ZZEF1: variants seen among roughly 807,000 people sequenced by gnomAD.
ZZEF1 encodes zinc finger ZZ-type and EF-hand domain containing 1.
In ZZEF1, 157 loss-of-function variants were observed where a neutral mutation model predicts 342.8. The ratio of observed to expected loss-of-function variants is 0.46; its 90% CI spans 0.40 to 0.52. ZZEF1 has a LOEUF of 0.52. Among genes scored for constraint, ZZEF1 ranks in the 20% least tolerant of loss-of-function variants. The pLI is 0.00. For synonymous variants in ZZEF1, 1,505 were observed against 1,429.1 expected (o/e 1.05, Z -1.20); for missense variants, 3,480 against 3,725.6 (o/e 0.93, Z 1.72).
intron 13 of ZZEF1, among the ~76,000 whole-genome samples, chr17:4,088,232 A>G (rs1226839554): frequency 6.6e-6 from 1 of 152,234 alleles, no homozygotes; most frequent in Non-Finnish European, 1.5e-5. Context: ...AAGAGTCAGT[A>G]TCAAAAAAGT....
In ZZEF1 at chr17:4,096,710, G is replaced by T; in HGVS notation, c.1673-10C>A. ...GTTTCCGTAAGAAAACCTGAAAAAA[G>T]GGAAAACTCAAGTTAGGGAACTAAC... On this transcript the variant is annotated splice_polypyrimidine_tract_variant and intron_variant, in intron 9 of 54. Coordinates refer to ENST00000381638, the MANE Select transcript of ZZEF1 (RefSeq NM_015113.4). 2 of 1,612,900 alleles carry T rather than the reference G, an allele frequency of 1.2e-6. No homozygotes were observed. Among genetic ancestry groups the T allele is most frequent in the Non-Finnish European group, 1.7e-6 (2 of 1,179,266 alleles).
chr17:4,038,754 C>T (rs1388605942), intron 39 of ZZEF1, among the ~76,000 whole-genome samples: 2 of 152,028 alleles, frequency 1.3e-5, no homozygotes, highest in East Asian at 3.9e-4. Flanking sequence ...TGCAGTGAGC[C>T]GAGATTGCTC....
intron 18 of ZZEF1, among the ~76,000 whole-genome samples, chr17:4,080,923 A>G (rs983755738): frequency 5.3e-5 from 8 of 152,176 alleles, no homozygotes; most frequent in Non-Finnish European, 1.2e-4. Flanking sequence ...CTTTGTGATC[A>G]TTTGTAAGAG....
At chr17:4,140,580 C>T (rs768384869) in intron 1 of ZZEF1, among the ~76,000 whole-genome samples, 3 of 152,308 alleles carry the variant, frequency 2.0e-5, no homozygotes, top group South Asian at 2.1e-4. Context: ...ACTCGATATA[C>T]GCCCAATAAA....
rs530845730 is a variant in ZZEF1 at position 4,007,117 on chromosome 17, GGA to G, written c.8806-149_8806-148del. On this transcript the variant is annotated intron_variant, in intron 54 of 54. Transcript: ENST00000381638. ...CCCCTCCCCCACAGGCCTGCAGAGT[GGA>G]GAGAGAAAAAAAATGCTATTAAGAG... 1.3e-4 allele frequency: 92 copies of G among 684,906 alleles called. No individual in the cohort carries two copies. In the African/African-American group the frequency reaches 1.5e-3, roughly 11 times the overall value. 42.4% of individuals were successfully genotyped at this position (684,906 alleles called of 1,614,324 possible).
At chr17:4,027,002 C>A (rs2056422112) in intron 42 of ZZEF1, among the ~76,000 whole-genome samples, 1 of 152,128 alleles carries the variant, frequency 6.6e-6, no homozygotes, top group African/African-American at 2.4e-5. Context: ...CACGTCCCCC[C>A]ACAAAACTAA....
intron 49 of ZZEF1, among the ~76,000 whole-genome samples, chr17:4,015,371 C>G (rs543960374): frequency 6.6e-6 from 1 of 152,252 alleles, no homozygotes; most frequent in African/African-American, 2.4e-5. Flanking sequence ...AGTTCTAAAT[C>G]GGTTTTCATC....
intron 23 of ZZEF1, 43 bp from the exon 24 acceptor site, chr17:4,074,394 G>A: frequency 1.9e-6 from 3 of 1,596,652 alleles, no homozygotes; most frequent in South Asian, 1.1e-5. Context: ...GATTAGAGGA[G>A]GAGTGCTTCA....
At chr17:4,123,805 T>A in intron 2 of ZZEF1, 102 bp downstream of exon 2, 1 of 1,335,456 alleles carries the variant, frequency 7.5e-7, no homozygotes, top group Non-Finnish European at 1.0e-6. Flanking sequence ...TGAACACTGT[T>A]GGGGGAGTTT....
At chr17:4,092,783 T>C (rs1226267568) in intron 11 of ZZEF1, among the ~76,000 whole-genome samples, 1 of 152,146 alleles carries the variant, frequency 6.6e-6, no homozygotes, top group Non-Finnish European at 1.5e-5. Flanking sequence ...ATCTTCGAGA[T>C]ACAGAAAGCT....
At chr17:4,015,876 A>G (rs138224961) in intron 49 of ZZEF1, among the ~76,000 whole-genome samples, 53 of 152,300 alleles carry the variant, frequency 3.5e-4, no homozygotes, top group African/African-American at 1.3e-3. Flanking sequence ...AAAGTTAAGG[A>G]TGGAAAAGAT....
At chr17:4,095,154 T>C (rs1460877917) in intron 11 of ZZEF1, among the ~76,000 whole-genome samples, 1 of 152,172 alleles carries the variant, frequency 6.6e-6, no homozygotes, top group South Asian at 2.1e-4. Flanking sequence ...CAATGTGCCA[T>C]GCTTCACCTC....
At chr17:4,123,303 A>G (rs1304566909) in intron 2 of ZZEF1, among the ~76,000 whole-genome samples, 2 of 139,556 alleles carry the variant, frequency 1.4e-5, no homozygotes, top group Admixed American at 7.0e-5. Context: ...ATATATATAT[A>G]TATATATCAG....
rs2056126197 is a variant in ZZEF1, at chr17:4,017,140, T to C, written c.8001+231A>G. The C allele has an allele frequency of 1.8e-6, 1 of 548,324 alleles. No individual in the cohort carries two copies. The allele number at this position is 548,324 out of a possible 1,614,324, so 34.0% of individuals were successfully genotyped here. On this transcript the variant is annotated intron_variant, in intron 48 of 54. Transcript: ENST00000381638. This position sits in a 1 kb window ranked among gnomAD's most constrained non-coding sequence, Gnocchi z 5.1. ...TTTCTGCACTTGGAAACTGGGAAGATGGCGACAAAGCTTTCTGGTTCAGCT... is the reference window on the plus strand; with the variant it reads ...TTTCTGCACTTGGAAACTGGGAAGACGGCGACAAAGCTTTCTGGTTCAGCT...
intron 29 of ZZEF1, among the ~76,000 whole-genome samples, chr17:4,063,391 C>A (rs2057324314): frequency 6.6e-6 from 1 of 152,146 alleles, no homozygotes; most frequent in South Asian, 2.1e-4. Context: ...GCCTGGGTAA[C>A]ATAGGGCGGC....
chr17:4,074,436 T>A, intron 23 of ZZEF1, 85 bp from the exon 24 acceptor site: 1 of 1,379,670 alleles, frequency 7.2e-7, no homozygotes, highest in Non-Finnish European at 1.0e-6. Flanking sequence ...ACGAGAAACA[T>A]CTCAGTTTAA....
intron 34 of ZZEF1, among the ~76,000 whole-genome samples, chr17:4,053,555 G>A (rs1209417155): frequency 6.6e-6 from 1 of 152,190 alleles, no homozygotes; most frequent in Non-Finnish European, 1.5e-5. Context: ...ACATTCTGTG[G>A]ATCTGTCCAG....
At chr17:4,107,411 G>A (rs972381101) in intron 6 of ZZEF1, among the ~76,000 whole-genome samples, 9 of 152,142 alleles carry the variant, frequency 5.9e-5, no homozygotes, top group African/African-American at 1.4e-4. Context: ...AGGGGGAGTC[G>A]TCATGGTGGC....
rs149991216 is a variant in ZZEF1 at position 4,090,798 on chromosome 17, T to C, written c.1946A>G (p.Asp649Gly). 6.2e-6 allele frequency: 10 copies of C among 1,613,992 alleles called. No homozygotes were observed. In the African/African-American group the frequency reaches 1.2e-4, roughly 19 times the overall value. ...CAGTTCAAACCAGCCAATAGGATCA[T>C]CCTCTCCAAGGTCATCAGATGAGCA... ...IGCSSDDLGEDDPIGWFELEE... is the reference protein window; with the variant it reads ...IGCSSDDLGEGDPIGWFELEE... Residue 649 changes from aspartate (D) to glycine (G), a missense_variant, in exon 12 of 55, where the codon GAT (aspartate) becomes GGT (glycine). Transcript: ENST00000381638.
Sources: gnomAD v4.1 joint callset for allele counts (sites outside exome capture counted in the v4.1 genomes callset) on GRCh38, gnomAD v4.1.1 for gene constraint, Gnocchi (gnomAD v3.1) non-coding constraint, MANE v1.5 for transcripts, NCBI Gene and HGNC (gene_info 2026-07-23, HGNC 2026-07-21) for gene names.